EXTL3: variants seen among roughly 807,000 people sequenced by gnomAD.
EXTL3 encodes the protein exostosin-like 3.
Under a neutral mutation model 69.3 loss-of-function variants are expected in EXTL3, and 27 were observed. The observed-to-expected ratio is 0.39, with a 90% CI of 0.29 to 0.54. EXTL3 has a LOEUF of 0.54. Ranked by LOEUF, EXTL3 falls within the 20% of genes least tolerant of loss-of-function variation. EXTL3 has a pLI of 0.69. For missense variants in EXTL3, 1,003 were observed against 1,231.8 expected (o/e 0.81, Z 2.78); for synonymous variants, 511 against 499.4 (o/e 1.02, Z -0.31).
In EXTL3 at chr8:28,731,359, C is replaced by A. The variant is rs747021891; in HGVS notation, c.2276+9C>A. 7 of 1,614,062 alleles carry A rather than the reference C, an allele frequency of 4.3e-6. No individual in the cohort carries two copies. The highest frequency in any genetic ancestry group is 5.9e-6 in the Non-Finnish European group (7 of 1,180,016). ...ATCATGTTTGGGTTCCGGTGAGAGACTAATTTCCAATCAAAACTTTAGGTT... is the reference window on the plus strand; with the variant it reads ...ATCATGTTTGGGTTCCGGTGAGAGAATAATTTCCAATCAAAACTTTAGGTT... On this transcript the variant is annotated intron_variant, in intron 4 of 6. Transcript: ENST00000220562.
intron 1 of EXTL3, among the ~76,000 whole-genome samples, chr8:28,683,496 T>G (rs1199880329): frequency 6.6e-6 from 1 of 152,182 alleles, no homozygotes; most frequent in Non-Finnish European, 1.5e-5. Flanking sequence ...TTATACTCTT[T>G]TAGTTATTTT....
At position 28,716,544 on chromosome 8, in the gene EXTL3, A is replaced by G. The variant is rs1425589851; in HGVS notation, c.485A>G (p.Glu162Gly). Residue 162 changes from glutamate (E) to glycine (G), a missense_variant, in exon 3 of 7, where the codon GAG becomes GGG. Coordinates refer to ENST00000220562, the MANE Select transcript of EXTL3 (RefSeq NM_001440.4). The surrounding 1 kb of genome is among the most constrained non-coding windows in gnomAD (Gnocchi z 7.1). ...TCCCTGCCCATCCGACTGCTCCCAG[A>G]GAAGGACGATGCCGGCCTCCCTCCC... is the stretch of plus-strand genomic sequence containing the variant. ...KLSLPIRLLPEKDDAGLPPPK... is the reference protein window; with the variant it reads ...KLSLPIRLLPGKDDAGLPPPK... 1 of 1,614,138 alleles carries G rather than the reference A, an allele frequency of 6.2e-7. No homozygotes were observed. The highest frequency in any genetic ancestry group is 1.7e-5 in the Admixed American group (1 of 60,020).
Position 28,716,374 on chromosome 8 carries a change from C to T in EXTL3, c.315C>T (p.Ser105=), listed in dbSNP as rs773454046. ...AGGCCAAGCGCCAAGAGCTGAACAGCGAGATCGCCAAGCTGAATCTGAAGA... is the reference window on the plus strand; with the variant it reads ...AGGCCAAGCGCCAAGAGCTGAACAGTGAGATCGCCAAGCTGAATCTGAAGA... The part of the protein sequence containing the change: ...QLEAKRQELN[S]EIAKLNLKIE... The change falls in exon 3 of 7, where the codon AGC becomes AGT. Residue 105 remains serine, a synonymous_variant. Transcript: ENST00000220562. The surrounding 1 kb of genome is among the most constrained non-coding windows in gnomAD (Gnocchi z 7.1). 3.7e-6 allele frequency: 6 copies of T among 1,613,848 alleles called. No individual in the cohort carries two copies. Among genetic ancestry groups the T allele is most frequent in the South Asian group, 3.3e-5 (3 of 91,074 alleles).
intron 1 of EXTL3, among the ~76,000 whole-genome samples, chr8:28,642,013 T>A (rs897814428): frequency 6.6e-6 from 1 of 151,808 alleles, no homozygotes; most frequent in African/African-American, 2.4e-5. Context: ...TTTTTTCTAT[T>A]TTTAGTAGAG....
At chr8:28,678,926 G>A (rs1218532984) in intron 1 of EXTL3, among the ~76,000 whole-genome samples, 1 of 152,134 alleles carries the variant, frequency 6.6e-6, no homozygotes, top group Non-Finnish European at 1.5e-5. Context: ...ACAAATACCA[G>A]GGGTTGCAAT....
chr8:28,703,361 T>C (rs929011063), intron 1 of EXTL3, among the ~76,000 whole-genome samples: 3 of 152,152 alleles, frequency 2.0e-5, no homozygotes, highest in Non-Finnish European at 4.4e-5. Context: ...TGATTAGGCC[T>C]CAAGAGTTTT....
At position 28,732,924 on chromosome 8, in the gene EXTL3, G is replaced by T. The variant is rs564916779; in HGVS notation, c.2276+1574G>T. Among the ~76,000 whole-genome samples, 3 of 152,126 alleles carry T rather than the reference G, an allele frequency of 2.0e-5. No individual in the cohort carries two copies. The South Asian group carries it at 6.2e-4, about 32-fold the overall frequency. ...TTTTTTGTATTTTAGTAGAGATGGGGTTTCACCATGTTGCCCAGGCTGATC... is the reference window on the plus strand; with the variant it reads ...TTTTTTGTATTTTAGTAGAGATGGGTTTTCACCATGTTGCCCAGGCTGATC... On this transcript the variant is annotated intron_variant, in intron 4 of 6. Coordinates refer to ENST00000220562, the MANE Select transcript of EXTL3 (RefSeq NM_001440.4).
chr8:28,682,019 A>G (rs551389398), intron 1 of EXTL3, among the ~76,000 whole-genome samples: 7 of 152,178 alleles, frequency 4.6e-5, no homozygotes, highest in Non-Finnish European at 1.0e-4. Flanking sequence ...AGATTGCACT[A>G]TTGCACTCCA....
chr8:28,631,850 G>T (rs1333261188), intron 1 of EXTL3, among the ~76,000 whole-genome samples: 2 of 152,136 alleles, frequency 1.3e-5, no homozygotes, highest in African/African-American at 4.8e-5. Context: ...AGCACTTTGG[G>T]AGGCCGAGTT....
intron 2 of EXTL3, among the ~76,000 whole-genome samples, chr8:28,616,506 A>T (rs1298074234): frequency 6.6e-6 from 1 of 152,190 alleles, no homozygotes; most frequent in Non-Finnish European, 1.5e-5. Flanking sequence ...GGGCGCCTGC[A>T]GTCCCAGCTA....
At chr8:28,746,642 T>C (rs1250847282) in intron 6 of EXTL3, among the ~76,000 whole-genome samples, 3 of 152,152 alleles carry the variant, frequency 2.0e-5, no homozygotes, top group Admixed American at 6.6e-5. Flanking sequence ...CACAGTTATA[T>C]ATTTACAAAT....
chr8:28,706,815 C>A (rs1800932845), intron 1 of EXTL3, among the ~76,000 whole-genome samples: 2 of 151,222 alleles, frequency 1.3e-5, no homozygotes, highest in African/African-American at 4.8e-5. Flanking sequence ...GAGCAGGCTT[C>A]CCCATTTTTA....
chr8:28,698,541 A>G (rs1324005482), upstream of EXTL3: 1 of 152,252 alleles, frequency 6.6e-6, no homozygotes, highest in Non-Finnish European at 1.5e-5. Context: ...TAAGTATCAG[A>G]AAGTATATAT....
chr8:28,671,310 T>TA (rs1491102848), intron 1 of EXTL3, among the ~76,000 whole-genome samples: 5 of 95,960 alleles, frequency 5.2e-5, no homozygotes, highest in African/African-American at 3.6e-4. Flanking sequence ...TTGTTTTTTG[T>TA]TTTTTTTTTT....
intron 1 of EXTL3, among the ~76,000 whole-genome samples, chr8:28,637,729 G>A (rs910116739): frequency 6.6e-6 from 1 of 151,718 alleles, no homozygotes; most frequent in Non-Finnish European, 1.5e-5. Flanking sequence ...CACCTCTCCT[G>A]CATCCTTCTC....
chr8:28,679,244 G>A (rs1220034917), intron 1 of EXTL3, among the ~76,000 whole-genome samples: 1 of 151,986 alleles, frequency 6.6e-6, no homozygotes, highest in African/African-American at 2.4e-5. Context: ...TCAAGAGATC[G>A]AGACCATCCT....
At position 28,726,879 on chromosome 8, in the gene EXTL3, C is replaced by CTTTT. The variant is rs11458194; in HGVS notation, c.2149-4326_2149-4323dup. 8.5e-4 allele frequency among the ~76,000 whole-genome samples: 85 copies of CTTTT among 99,918 alleles called. 1 individual carries two copies. The highest frequency in any genetic ancestry group is 1.2e-3 in the African/African-American group (30 of 24,630). 65.6% of individuals were successfully genotyped at this position (99,918 alleles called of 152,430 possible). On this transcript the variant is annotated intron_variant, in intron 3 of 6. Transcript: ENST00000220562. ...GTGAATCTTTAACAGCTTTTCTTTT[C>CTTTT]TTTTTTTTTTTTTTTTTTTTTGAGA...
At chr8:28,721,258 C>T (rs1377103967) in intron 3 of EXTL3, among the ~76,000 whole-genome samples, 1 of 152,176 alleles carries the variant, frequency 6.6e-6, no homozygotes, top group Non-Finnish European at 1.5e-5. Flanking sequence ...TTATATGTAG[C>T]TGGTCTGCTT....
At chr8:28,640,764 G>A (rs527492850) in intron 1 of EXTL3, among the ~76,000 whole-genome samples, 6 of 151,932 alleles carry the variant, frequency 3.9e-5, no homozygotes, top group African/African-American at 9.7e-5. Flanking sequence ...CACTACACCC[G>A]GCTAATTTTT....
Sources: allele counts gnomAD v4.1 joint callset (sites outside exome capture counted in the v4.1 genomes callset), GRCh38; gene constraint gnomAD v4.1.1; non-coding constraint Gnocchi (gnomAD v3.1); transcripts MANE v1.5; gene names NCBI Gene and HGNC (gene_info 2026-07-23, HGNC 2026-07-21).